The following CRLS1 variants were observed in gnomAD, a reference collection of about 807,000 sequenced individuals.
CRLS1 encodes cardiolipin synthase (CMP-forming).
In CRLS1, 24 loss-of-function variants were observed where a neutral mutation model predicts 37.0. The ratio of observed to expected loss-of-function variants is 0.65; its 90% CI spans 0.47 to 0.91. The LOEUF (loss-of-function observed/expected upper bound fraction) is 0.91, where lower values mean the gene tolerates loss of function less well. Ranked by LOEUF, CRLS1 falls within the 40% of genes least tolerant of loss-of-function variation. CRLS1 has a pLI of 0.00. For synonymous variants in CRLS1, 135 were observed against 159.7 expected (o/e 0.85, Z 1.17); for missense variants, 373 against 395.8 (o/e 0.94, Z 0.49).
chr20:6,036,794 TA>T lies in CRLS1; in HGVS notation c.822-279del, dbSNP rs550267752. ...GAATAAAATGAGAATGTAAGACACC[TA>T]GAGGATGCCCGAGTAAAAAATGACA... On this transcript the variant is annotated intron_variant, in intron 6 of 6. Transcript: ENST00000378863. Among the ~76,000 whole-genome samples, 206 of 152,310 alleles carry T rather than the reference TA, an allele frequency of 1.4e-3. 1 individual carries two copies. The highest frequency in any genetic ancestry group is 4.8e-3 in the African/African-American group (200 of 41,570).
At chr20:6,028,368 A>C (rs1979890734) in intron 3 of CRLS1, 1 of 152,128 alleles carries the variant, frequency 6.6e-6, no homozygotes, top group South Asian at 2.1e-4. Context: ...CACTGAACTT[A>C]GATCTGTGTG....
At chr20:6,008,499 A>G (rs2090089710) in intron 1 of CRLS1, among the ~76,000 whole-genome samples, 1 of 152,230 alleles carries the variant, frequency 6.6e-6, no homozygotes, top group South Asian at 2.1e-4. Context: ...GTTAGTGCCA[A>G]CTTCAAACAG....
chr20:6,015,476 C>T lies in CRLS1; in HGVS notation c.560C>T (p.Ala187Val). 1 of 1,613,128 alleles carries T rather than the reference C, an allele frequency of 6.2e-7. No individual in the cohort carries two copies. The highest frequency in any genetic ancestry group is 1.3e-5 in the African/African-American group (1 of 75,018). ...ISILYVSLTY[A>V]DLIPVPLTYM... ...ATCTTATATGTTAGCTTGACCTATG[C>T]AGATCTTATTCCAGGTAAGAACGCG... Residue 187 changes from alanine (A) to valine (V), a missense_variant, in exon 3 of 7, where the codon GCA (alanine) becomes GTA (valine). Coordinates refer to ENST00000378863, the MANE Select transcript of CRLS1 (RefSeq NM_019095.6).
intron 2 of CRLS1, among the ~76,000 whole-genome samples, chr20:6,014,323 A>AT (rs888294672): frequency 4.0e-4 from 60 of 151,668 alleles, no homozygotes; most frequent in South Asian, 2.7e-3. Flanking sequence ...CAAAGACCAC[A>AT]TTTTTTTTTA....
chr20:6,013,695 G>A (rs144585667), intron 2 of CRLS1, among the ~76,000 whole-genome samples: 73 of 152,302 alleles, frequency 4.8e-4, no homozygotes, highest in African/African-American at 1.7e-3. Context: ...AAACAAGTGT[G>A]GGATTGCTAG....
intron 4 of CRLS1, 49 bp downstream of exon 4, chr20:6,031,419 G>C (rs1188598278): frequency 7.2e-7 from 1 of 1,394,380 alleles, no homozygotes; most frequent in African/African-American, 1.5e-5. Flanking sequence ...TATGATTTAA[G>C]GAAAAAGCAA....
rs2090057566 is a variant in CRLS1 at position 6,006,530 on chromosome 20, G to T, written c.284G>T (p.Gly95Val). Residue 95 changes from glycine to valine, a missense_variant, in exon 1 of 7, where the codon GGC becomes GTC. Coordinates refer to ENST00000378863, the MANE Select transcript of CRLS1 (RefSeq NM_019095.6). ...GCCGAAGCCCCGGGCGGCCAGTGGG[G>T]CCCGGCGAGCACCCCCAGCCTGGTA... is the stretch of plus-strand genomic sequence containing the variant. ...AAAEAPGGQW[G>V]PASTPSLYEN... 2 of 1,324,116 alleles carry T rather than the reference G, an allele frequency of 1.5e-6. No homozygotes were observed. Among genetic ancestry groups the T allele is most frequent in the South Asian group, 2.1e-5 (1 of 47,002 alleles). 82.0% of individuals were successfully genotyped at this position (1,324,116 alleles called of 1,614,324 possible). A position where few individuals can be genotyped will look rare whatever the true frequency, so the allele number is the denominator to read the frequency against.
chr20:6,017,858 A>G (rs1462869169), intron 3 of CRLS1, among the ~76,000 whole-genome samples: 2 of 152,200 alleles, frequency 1.3e-5, no homozygotes, highest in East Asian at 1.9e-4. Flanking sequence ...GATAATAAAC[A>G]CTTTTGTTAG....
chr20:6,021,504 G>C (rs988101311), intron 3 of CRLS1, among the ~76,000 whole-genome samples: 1 of 152,164 alleles, frequency 6.6e-6, no homozygotes. Context: ...AATATATTTT[G>C]TGGGTTCTTA....
At chr20:6,036,075 G>A (rs1392225116) in intron 6 of CRLS1, among the ~76,000 whole-genome samples, 1 of 152,082 alleles carries the variant, frequency 6.6e-6, no homozygotes. Context: ...AAAGTGCTGG[G>A]ATTACAGGTG....
intron 5 of CRLS1, among the ~76,000 whole-genome samples, chr20:6,033,076 ATTTTATT>A: frequency 6.6e-6 from 1 of 150,732 alleles, no homozygotes; most frequent in East Asian, 1.9e-4. Context: ...TTTACATTTT[ATTTTATT>A]TTATATTTTA....
At chr20:6,028,534 C>T (rs897734608) in intron 3 of CRLS1, 2 of 151,482 alleles carry the variant, frequency 1.3e-5, no homozygotes, top group Non-Finnish European at 2.9e-5. Context: ...TTAAGTTTAC[C>T]GTTTTCAGTG....
At position 6,006,162 on chromosome 20, in the gene CRLS1, C is replaced by G. The variant is rs1399090059; in HGVS notation, c.-85C>G. On this transcript the variant is annotated 5_prime_UTR_variant, in exon 1 of 7. Transcript: ENST00000378863. Reference sequence around the variant, plus strand: ...GGTAGCCCAGTGTCTGAGTGGTTGCCGGGTCTCCATGGAGAAGCGGCTCGC... The same window carrying G: ...GGTAGCCCAGTGTCTGAGTGGTTGCGGGGTCTCCATGGAGAAGCGGCTCGC... The G allele has an allele frequency of 2.7e-6, 2 of 733,214 alleles. No individual in the cohort carries two copies. The highest frequency in any genetic ancestry group is 3.7e-6 in the Non-Finnish European group (2 of 539,748). The allele number at this position is 733,214 out of a possible 1,614,324, so 45.4% of individuals were successfully genotyped here.
At chr20:6,028,158 A>G (rs1009188489) in intron 3 of CRLS1, 49 of 152,212 alleles carry the variant, frequency 3.2e-4, no homozygotes, top group African/African-American at 1.2e-3. Flanking sequence ...TTGTTTCTCT[A>G]AGAGTAAGAA....
chr20:6,020,697 A>G (rs1300771522), intron 3 of CRLS1, among the ~76,000 whole-genome samples: 1 of 150,574 alleles, frequency 6.6e-6, no homozygotes, highest in East Asian at 2.0e-4. Flanking sequence ...ATCTTGGCTC[A>G]CTGCAAGCTC....
intron 3 of CRLS1, among the ~76,000 whole-genome samples, chr20:6,023,726 A>G (rs73896713): frequency 1.3e-5 from 2 of 151,286 alleles, no homozygotes; most frequent in Non-Finnish European, 2.9e-5. Flanking sequence ...GAATTTTTCA[A>G]GAGCTCATGT....
At chr20:6,009,650 A>G (rs1018977595) in intron 1 of CRLS1, 125 bp from the exon 2 acceptor site, 198 of 705,376 alleles carry the variant, frequency 2.8e-4, no homozygotes, top group Non-Finnish European at 1.8e-4. Flanking sequence ...TTAATGTACT[A>G]AATTTAAAGT....
chr20:6,007,231 G>A (rs1420506760), intron 1 of CRLS1: 2 of 1,468,158 alleles, frequency 1.4e-6, no homozygotes, highest in African/African-American at 2.9e-5. Flanking sequence ...TGTCTTCAGT[G>A]GCCCCTGTAC....
At chr20:6,024,342 G>C (rs1979506601) in intron 3 of CRLS1, among the ~76,000 whole-genome samples, 1 of 152,184 alleles carries the variant, frequency 6.6e-6, no homozygotes, top group South Asian at 2.1e-4. Flanking sequence ...AGCGAACTCT[G>C]ATGTTACTGT....
Sources: allele counts gnomAD v4.1 joint callset (sites outside exome capture counted in the v4.1 genomes callset), GRCh38; gene constraint gnomAD v4.1.1; transcripts MANE v1.5; gene names NCBI Gene and HGNC (gene_info 2026-07-23, HGNC 2026-07-21).